ERG: variants seen among roughly 807,000 people sequenced by gnomAD.
ERG encodes the protein ETS transcription factor ERG.
ERG carries 9 observed loss-of-function variants against 55.3 expected under a neutral mutation model. The observed-to-expected ratio is 0.16, with a 90% confidence interval of 0.10 to 0.28. The LOEUF (loss-of-function observed/expected upper bound fraction) is 0.28. Ranked by LOEUF, ERG falls within the 10% of genes least tolerant of loss-of-function variation. The pLI is 1.00. For missense variants in ERG, 434 were observed against 631.6 expected (o/e 0.69, Z 3.35); for synonymous variants, 223 against 237.3 (o/e 0.94, Z 0.55).
chr21:38,553,501 C>A (rs1284839481), intron 2 of ERG, among the ~76,000 whole-genome samples: 1 of 152,028 alleles, frequency 6.6e-6, no homozygotes, highest in African/African-American at 2.4e-5. Context: ...AACCAATGGA[C>A]TAGATTAGAG....
the ERG span, among the ~76,000 whole-genome samples, chr21:38,369,165 G>A: frequency 6.6e-6 from 1 of 152,180 alleles, no homozygotes; most frequent in Non-Finnish European, 1.5e-5. Flanking sequence ...TGGTATTTCT[G>A]TCTTTAGGTC....
At chr21:38,484,687 T>A (rs1235243958) in intron 1 of ERG, among the ~76,000 whole-genome samples, 1 of 152,166 alleles carries the variant, frequency 6.6e-6, no homozygotes, top group Non-Finnish European at 1.5e-5. Flanking sequence ...TAGCATACAT[T>A]CAGGAGTTGC....
At position 38,507,566 on chromosome 21, in the gene ERG, G is replaced by A. The variant is rs1202549544; in HGVS notation, c.-41+68096C>T. Among the ~76,000 whole-genome samples the A allele has an allele frequency of 2.4e-4, 23 of 96,604 alleles. No individual in the cohort carries two copies. The South Asian group carries it at 7.6e-3, about 32-fold the overall frequency. The allele number at this position is 96,604 out of a possible 152,430, so 63.4% of individuals were successfully genotyped here. On this transcript the variant is annotated intron_variant, in intron 2 of 8. Transcript: ENST00000398897. ...AATGAATGAATGAATGAATGAAGCC[G>A]GCCACAGAGCCCAGGAGTATCAGGG...
At chr21:38,645,362 A>C (rs1195857144) in intron 1 of ERG, among the ~76,000 whole-genome samples, 1 of 152,156 alleles carries the variant, frequency 6.6e-6, no homozygotes, top group African/African-American at 2.4e-5. Flanking sequence ...TATACATAAG[A>C]GTGTAGGCAT....
intron 1 of ERG, among the ~76,000 whole-genome samples, chr21:38,492,978 A>G (rs917310918): frequency 2.0e-5 from 3 of 152,212 alleles, no homozygotes; most frequent in Non-Finnish European, 4.4e-5. Flanking sequence ...AGAGTAAAAT[A>G]TTCAGAGTTG....
At chr21:38,484,937 T>A (rs1480054189) in intron 1 of ERG, among the ~76,000 whole-genome samples, 1 of 152,206 alleles carries the variant, frequency 6.6e-6, no homozygotes, top group African/African-American at 2.4e-5. Context: ...AATAGTTGAC[T>A]ATGTTATTGG....
intron 2 of ERG, among the ~76,000 whole-genome samples, chr21:38,541,055 A>C (rs1173437777): frequency 6.6e-6 from 1 of 152,098 alleles, no homozygotes; most frequent in Non-Finnish European, 1.5e-5. Context: ...ATTTCACTAC[A>C]CTTGACCACA....
At chr21:38,432,940 G>A (rs768621119) in intron 2 of ERG, among the ~76,000 whole-genome samples, 14 of 152,154 alleles carry the variant, frequency 9.2e-5, no homozygotes, top group Non-Finnish European at 1.9e-4. Flanking sequence ...TATTCTAAAA[G>A]AACATCTTCA....
rs752920173 is a variant in ERG at position 38,445,576 on chromosome 21, C to G, written c.64G>C (p.Ala22Pro). The change falls in exon 2 of 10, where the codon GCC becomes CCC. Residue 22 changes from alanine (A) to proline (P), a missense_variant. By Grantham distance (27) the Ala-to-Pro change is conservative (BLOSUM62 -1). Coordinates refer to ENST00000288319, the MANE Select transcript of ERG (RefSeq NM_182918.4). ...VSEDQSLFECAYGTPHLAKTE... is the reference protein window; with the variant it reads ...VSEDQSLFECPYGTPHLAKTE... Reference sequence around the variant, plus strand: ...TTAGCCAGGTGTGGCGTTCCGTAGGCACACTCAAACAACGACTGGTCCTCA... The same window carrying G: ...TTAGCCAGGTGTGGCGTTCCGTAGGGACACTCAAACAACGACTGGTCCTCA... 20 of 1,614,124 alleles carry G rather than the reference C, an allele frequency of 1.2e-5. No individual in the cohort carries two copies. Among genetic ancestry groups the G allele is most frequent in the Non-Finnish European group, 1.7e-5 (20 of 1,180,034 alleles).
At chr21:38,555,597 T>A (rs1323539450) in intron 2 of ERG, among the ~76,000 whole-genome samples, 1 of 152,092 alleles carries the variant, frequency 6.6e-6, no homozygotes, top group Non-Finnish European at 1.5e-5. Flanking sequence ...AGTATCTATA[T>A]TGAAATATGC....
chr21:38,595,925 A>G (rs2060128350), intron 1 of ERG, among the ~76,000 whole-genome samples: 1 of 151,496 alleles, frequency 6.6e-6, no homozygotes. Flanking sequence ...TTTATTCAGC[A>G]TTTTTTTTCT....
At chr21:38,503,607 G>A (rs73906313) in intron 2 of ERG, among the ~76,000 whole-genome samples, 2 of 151,908 alleles carry the variant, frequency 1.3e-5, no homozygotes, top group Non-Finnish European at 2.9e-5. Context: ...GCCTGGGAGC[G>A]ACCCATGAAA....
At chr21:38,516,029 C>T (rs2059549035) in intron 2 of ERG, among the ~76,000 whole-genome samples, 1 of 151,944 alleles carries the variant, frequency 6.6e-6, no homozygotes. Context: ...TAACATTATA[C>T]TGAACGGGGA....
At chr21:38,423,643 AC>A in intron 2 of ERG, 82 bp from the exon 3 acceptor site, 2 of 1,427,118 alleles carry the variant, frequency 1.4e-6, no homozygotes, top group Non-Finnish European at 9.6e-7. Flanking sequence ...CACAGAGAGA[AC>A]CAAAGAAGGG....
At chr21:38,588,061 C>A (rs2060077123), upstream of ERG, among the ~76,000 whole-genome samples, 1 of 152,128 alleles carries the variant, frequency 6.6e-6, no homozygotes, top group Non-Finnish European at 1.5e-5. Flanking sequence ...TGAGAAGCCA[C>A]AAAGGATCCA....
chr21:38,630,219 C>T (rs1220299007), intron 1 of ERG, among the ~76,000 whole-genome samples: 1 of 152,018 alleles, frequency 6.6e-6, no homozygotes, highest in African/African-American at 2.4e-5. Flanking sequence ...GTGCTCGATA[C>T]CCCTGAATTA....
intron 2 of ERG, among the ~76,000 whole-genome samples, chr21:38,537,794 T>C (rs1023851464): frequency 1.3e-5 from 2 of 152,170 alleles, no homozygotes; most frequent in African/African-American, 4.8e-5. Context: ...AATTAACATA[T>C]GATTCACCAA....
chr21:38,394,422 G>A (rs976632700), intron 6 of ERG, among the ~76,000 whole-genome samples: 11 of 151,198 alleles, frequency 7.3e-5, no homozygotes, highest in African/African-American at 1.9e-4. Flanking sequence ...GCGCGATCTC[G>A]GCTCACTGCA....
chr21:38,564,218 G>A (rs1349581913), intron 2 of ERG, among the ~76,000 whole-genome samples: 3 of 152,050 alleles, frequency 2.0e-5, no homozygotes, highest in Non-Finnish European at 4.4e-5. Context: ...TGGGTTTTAC[G>A]ATAAGATGTA....
Sources: allele counts gnomAD v4.1 joint callset (sites outside exome capture counted in the v4.1 genomes callset), GRCh38; gene constraint gnomAD v4.1.1; transcripts MANE v1.5; gene names NCBI Gene and HGNC (gene_info 2026-07-23, HGNC 2026-07-21).